ZNF652: variants seen among roughly 807,000 people sequenced by gnomAD.
ZNF652 encodes the protein zinc finger protein 652.
ZNF652 carries 16 observed loss-of-function variants against 45.2 expected under a neutral mutation model. The observed-to-expected ratio is 0.35, with a 90% confidence interval of 0.24 to 0.54. The LOEUF is 0.54. Among genes scored for constraint, ZNF652 ranks in the 20% least tolerant of loss-of-function variants. The pLI, the probability that ZNF652 is intolerant of heterozygous loss-of-function variation, is 0.91. For synonymous variants in ZNF652, 250 were observed against 260.6 expected, an observed-to-expected ratio of 0.96 and a Z score of 0.39; for missense variants, 614 against 765.6, an observed-to-expected ratio of 0.80 and a Z score of 2.34.
intron 1 of ZNF652, among the ~76,000 whole-genome samples, chr17:49,324,042 A>C (rs1394834461): frequency 6.6e-6 from 1 of 152,226 alleles, no homozygotes; most frequent in Non-Finnish European, 1.5e-5. Context: ...CACTTCTGTC[A>C]ATGACAGTCC....
At chr17:49,338,328 C>G (rs146107504) in intron 1 of ZNF652, among the ~76,000 whole-genome samples, 68 of 152,178 alleles carry the variant, frequency 4.5e-4, no homozygotes, top group African/African-American at 1.6e-3. Context: ...GAACCAACAC[C>G]TTCTGCTAGA....
intron 1 of ZNF652, among the ~76,000 whole-genome samples, chr17:49,318,978 CTCAG>C (rs1020273184): frequency 6.6e-5 from 10 of 152,168 alleles, no homozygotes; most frequent in Admixed American, 1.3e-4. Context: ...ACTACATTCA[CTCAG>C]TAAGTCGGTG....
intron 1 of ZNF652, among the ~76,000 whole-genome samples, chr17:49,323,581 A>G (rs1032408644): frequency 2.6e-5 from 4 of 152,248 alleles, no homozygotes; most frequent in African/African-American, 9.6e-5. Flanking sequence ...CATCAGAGGA[A>G]TCACTATCTA....
chr17:49,356,531 A>ATCAC (rs746605160), intron 1 of ZNF652, among the ~76,000 whole-genome samples: 3 of 151,972 alleles, frequency 2.0e-5, no homozygotes, highest in Non-Finnish European at 4.4e-5. Context: ...CAGTAAATCA[A>ATCAC]TCACCTAAAT....
intron 2 of ZNF652, among the ~76,000 whole-genome samples, chr17:49,315,143 G>A (rs542252395): frequency 2.6e-5 from 4 of 151,158 alleles, no homozygotes; most frequent in East Asian, 3.9e-4. Context: ...CCAGGTTCAA[G>A]CGATTCTCCT....
rs371492485 is a variant in ZNF652, at chr17:49,314,231, G to A, written c.901-1386C>T. On this transcript the variant is annotated intron_variant, in intron 2 of 5. Transcript: ENST00000430262. ...GGCTGGAGTGCAGTGGTGTGATCTC[G>A]GCTCACCACAACCTCCACCGCCTGG... is the stretch of plus-strand genomic sequence containing the variant. Among the ~76,000 whole-genome samples the A allele has an allele frequency of 1.9e-3, 286 of 150,454 alleles. 1 individual carries two copies. Among genetic ancestry groups the A allele is most frequent in the African/African-American group, 6.8e-3 (278 of 40,912 alleles).
At chr17:49,330,909 C>T (rs2070016121) in intron 1 of ZNF652, among the ~76,000 whole-genome samples, 1 of 137,644 alleles carries the variant, frequency 7.3e-6, no homozygotes, top group African/African-American at 2.7e-5. Flanking sequence ...AACAAACAAA[C>T]AAAAACCAAA....
At chr17:49,307,881 T>C (rs976347231) in intron 5 of ZNF652, among the ~76,000 whole-genome samples, 2 of 152,164 alleles carry the variant, frequency 1.3e-5, no homozygotes, top group Non-Finnish European at 2.9e-5. Context: ...GCTAATATTA[T>C]AGCAAATTTA....
At chr17:49,302,759 C>T (rs942144913) in intron 5 of ZNF652, among the ~76,000 whole-genome samples, 5 of 151,604 alleles carry the variant, frequency 3.3e-5, no homozygotes, top group South Asian at 2.1e-4. Context: ...GTCAGGAGTT[C>T]GAGACAGGCT....
At chr17:49,348,274 T>C (rs1157147662) in intron 1 of ZNF652, among the ~76,000 whole-genome samples, 1 of 151,860 alleles carries the variant, frequency 6.6e-6, no homozygotes, top group Non-Finnish European at 1.5e-5. Context: ...GAGAATCTCT[T>C]GAGATCAAGA....
At chr17:49,315,623 A>G (rs2069792495) in intron 2 of ZNF652, among the ~76,000 whole-genome samples, 2 of 151,958 alleles carry the variant, frequency 1.3e-5, no homozygotes, top group African/African-American at 4.8e-5. Flanking sequence ...GTAATGGATC[A>G]TTACAGAATC....
rs374612800 is a variant in ZNF652 at position 49,309,961 on chromosome 17, C to CT, written c.1309+1350dup. ...GCTAAGCAAGATAATCTCTGTTGTTCTTTTTTTTTTGAGACGGAGTCTTGC... is the reference window on the plus strand; with the variant it reads ...GCTAAGCAAGATAATCTCTGTTGTTCTTTTTTTTTTTGAGACGGAGTCTTGC... On this transcript the variant is annotated intron_variant, in intron 5 of 5. Transcript: ENST00000430262. Among the ~76,000 whole-genome samples, 1,080 of 149,064 alleles carry CT rather than the reference C, an allele frequency of 7.2e-3. 9 individuals carry two copies. The highest frequency in any genetic ancestry group is 0.025 in the African/African-American group (1,006 of 40,770).
At chr17:49,349,851 T>C (rs537005405) in intron 1 of ZNF652, among the ~76,000 whole-genome samples, 38 of 152,338 alleles carry the variant, frequency 2.5e-4, no homozygotes, top group Admixed American at 8.5e-4. Flanking sequence ...TATCTGTGAA[T>C]GTCACAAGAT....
intron 1 of ZNF652, among the ~76,000 whole-genome samples, chr17:49,330,229 T>C (rs983139878): frequency 6.6e-6 from 1 of 152,164 alleles, no homozygotes; most frequent in Admixed American, 6.5e-5. Flanking sequence ...TTGGAAGGTC[T>C]CAGTCTAGCC....
Position 49,317,472 on chromosome 17 carries a change from C to T in ZNF652, c.254G>A (p.Arg85Lys), listed in dbSNP as rs1310390478. 2 of 1,614,042 alleles carry T rather than the reference C, an allele frequency of 1.2e-6. No homozygotes were observed. Among genetic ancestry groups the T allele is most frequent in the African/African-American group, 2.7e-5 (2 of 74,910 alleles). Residue 85 changes from arginine to lysine, a missense_variant, in exon 2 of 6, where the codon AGA becomes AAA. Coordinates refer to ENST00000430262, the MANE Select transcript of ZNF652 (RefSeq NM_001145365.3). ...AACAGCATGCACGTCAGACACTGCT[C>T]TTGTCTCCCTGAAATATGGCTGTTC... ...TEEQPYFRET[R>K]AVSDVHAVKE...
chr17:49,330,741 C>T (rs1317125320), intron 1 of ZNF652, among the ~76,000 whole-genome samples: 1 of 151,800 alleles, frequency 6.6e-6, no homozygotes, highest in Non-Finnish European at 1.5e-5. Context: ...TGATATCCTG[C>T]CTATTAACTT....
chr17:49,341,346 G>C (rs1382779088), intron 1 of ZNF652, among the ~76,000 whole-genome samples: 1 of 151,900 alleles, frequency 6.6e-6, no homozygotes, highest in Non-Finnish European at 1.5e-5. Context: ...TGGATGGCCT[G>C]ACAAGGAAAA....
chr17:49,346,279 A>T (rs1047272384), intron 1 of ZNF652, among the ~76,000 whole-genome samples: 1 of 152,186 alleles, frequency 6.6e-6, no homozygotes, highest in African/African-American at 2.4e-5. Flanking sequence ...GGATGGGCTC[A>T]GTGGCTAATG....
chr17:49,358,715 A>C (rs116230819), intron 1 of ZNF652, among the ~76,000 whole-genome samples: 455 of 152,250 alleles, frequency 3.0e-3, no homozygotes, highest in African/African-American at 0.01. Context: ...CCACACTACG[A>C]GATTACTTCC....
Sources: allele counts gnomAD v4.1 joint callset (sites outside exome capture counted in the v4.1 genomes callset), GRCh38; gene constraint gnomAD v4.1.1; transcripts MANE v1.5; gene names NCBI Gene and HGNC (gene_info 2026-07-23, HGNC 2026-07-21).